Variants in KTN1 observed in about 807,000 individuals in gnomAD.
The protein encoded by KTN1 is kinectin 1.
A neutral mutation model predicts 222.5 loss-of-function variants in KTN1; 130 were observed. That is an observed-to-expected ratio of 0.58 (90% CI 0.51 to 0.68). The LOEUF (loss-of-function observed/expected upper bound fraction) is 0.68. Ranked by LOEUF, KTN1 falls within the 30% of genes least tolerant of loss-of-function variation. KTN1 has a pLI of 0.00. For missense variants in KTN1, 1,508 were observed against 1,500.4 expected, an observed-to-expected ratio of 1.01 and a Z score of -0.08; for synonymous variants, 512 against 496.3, an observed-to-expected ratio of 1.03 and a Z score of -0.42.
At chr14:55,596,472 T>G (rs778512039) in intron 1 of KTN1, among the ~76,000 whole-genome samples, 1 of 152,178 alleles carries the variant, frequency 6.6e-6, no homozygotes, top group Non-Finnish European at 1.5e-5. Context: ...GTTGTAAACA[T>G]GGATTCTAAG....
At chr14:55,655,291 C>G (rs1389387339) in intron 28 of KTN1, among the ~76,000 whole-genome samples, 1 of 152,136 alleles carries the variant, frequency 6.6e-6, no homozygotes, top group Non-Finnish European at 1.5e-5. Context: ...GGATTGCCTT[C>G]TTTTACTTAG....
At position 55,649,581 on chromosome 14, in the gene KTN1, G is replaced by T. The variant is rs116316725; in HGVS notation, c.2368-195G>T. ...TTTTTCTTTTGGCATATTTATAAGT[G>T]ACCTTAAAGCTACCTATGTTCAAAA... On this transcript the variant is annotated intron_variant, in intron 21 of 43. Coordinates refer to ENST00000395314, the MANE Select transcript of KTN1 (RefSeq NM_001079521.2). Among the ~76,000 whole-genome samples, 370 of 152,194 alleles carry T rather than the reference G, an allele frequency of 2.4e-3. 3 individuals carry two copies. The highest frequency in any genetic ancestry group is 8.5e-3 in the African/African-American group (353 of 41,524).
chr14:55,642,197 GATTAT>G (rs766874342), intron 18 of KTN1, among the ~76,000 whole-genome samples: 2 of 152,134 alleles, frequency 1.3e-5, no homozygotes, highest in Non-Finnish European at 2.9e-5. Flanking sequence ...TTCACATGGA[GATTAT>G]ATTATATTTA....
chr14:55,648,135 TG>T lies in KTN1; in HGVS notation c.2298+21del. The T allele has an allele frequency of 7.8e-7, 1 of 1,280,294 alleles. No individual in the cohort carries two copies. Among genetic ancestry groups the T allele is most frequent in the Non-Finnish European group, 1.1e-6 (1 of 910,856 alleles). 79.3% of individuals were successfully genotyped at this position (1,280,294 alleles called of 1,614,324 possible). On this transcript the variant is annotated intron_variant, in intron 20 of 43. Coordinates refer to ENST00000395314, the MANE Select transcript of KTN1 (RefSeq NM_001079521.2). ...CTGAATGTAAAGCATTTTGTAGTTT[TG>T]TTTTCCTTGTGATTATTCAGTGACA...
intron 32 of KTN1, among the ~76,000 whole-genome samples, chr14:55,662,174 C>T (rs2044222829): frequency 6.6e-6 from 1 of 150,842 alleles, no homozygotes; most frequent in Non-Finnish European, 1.5e-5. Flanking sequence ...TCAGGCGATT[C>T]TCCTGCCTCA....
intron 1 of KTN1, among the ~76,000 whole-genome samples, chr14:55,600,229 T>TA (rs1327994059): frequency 1.3e-5 from 2 of 151,970 alleles, no homozygotes; most frequent in East Asian, 3.9e-4. Flanking sequence ...AGAGTTATTT[T>TA]ATTAATATTT....
At chr14:55,636,880 G>C (rs546256357) in intron 10 of KTN1, among the ~76,000 whole-genome samples, 2 of 151,218 alleles carry the variant, frequency 1.3e-5, no homozygotes, top group Non-Finnish European at 3.0e-5. Flanking sequence ...TTATTTTGAA[G>C]AGAAAAACAG....
At chr14:55,659,202 A>G (rs561301413) in intron 30 of KTN1, among the ~76,000 whole-genome samples, 19 of 152,158 alleles carry the variant, frequency 1.2e-4, no homozygotes, top group Admixed American at 4.6e-4. Context: ...TCACCAAGGA[A>G]TAAATACCAT....
chr14:55,664,841 T>C (rs995360133), intron 33 of KTN1, among the ~76,000 whole-genome samples: 1 of 151,972 alleles, frequency 6.6e-6, no homozygotes, highest in African/African-American at 2.4e-5. Context: ...GAAACAGGGG[T>C]ATTGAATTTT....
At chr14:55,621,322 G>A (rs888075631) in intron 5 of KTN1, among the ~76,000 whole-genome samples, 1 of 152,040 alleles carries the variant, frequency 6.6e-6, no homozygotes, top group Non-Finnish European at 1.5e-5. Context: ...CTGTTACCCA[G>A]TTGTAAAGTC....
In KTN1 at chr14:55,615,376, C is replaced by T. The variant is rs567312729; in HGVS notation, c.524-1141C>T. The stretch of plus-strand genomic sequence containing the variant: ...TTCTGCCTGCCTCCCCCTTTTCCCC[C>T]GTCCCTCCCCCTTCCCCCATATCTT... On this transcript the variant is annotated intron_variant, in intron 2 of 43. Coordinates refer to ENST00000395314, the MANE Select transcript of KTN1 (RefSeq NM_001079521.2). 6.5e-4 allele frequency among the ~76,000 whole-genome samples: 98 copies of T among 151,754 alleles called. 2 individuals carry two copies. The highest frequency in any genetic ancestry group is 1.9e-3 in the African/African-American group (80 of 41,372).
chr14:55,614,646 T>C (rs2038082843), intron 2 of KTN1, among the ~76,000 whole-genome samples: 1 of 152,226 alleles, frequency 6.6e-6, no homozygotes, highest in Admixed American at 6.5e-5. Flanking sequence ...ATCTCAGTAC[T>C]CATAAAGTGT....
chr14:55,658,715 A>G (rs1595167279), intron 30 of KTN1, 101 bp downstream of exon 30: 2 of 702,514 alleles, frequency 2.8e-6, no homozygotes, highest in East Asian at 5.3e-5. Context: ...TTCATTGAGA[A>G]TGAAGTATGT....
intron 5 of KTN1, among the ~76,000 whole-genome samples, chr14:55,623,369 ATTATTT>A (rs1165686859): frequency 1.3e-5 from 2 of 152,102 alleles, no homozygotes; most frequent in East Asian, 3.9e-4. Context: ...AACTTTCTTG[ATTATTT>A]TTATTTTTGT....
intron 12 of KTN1, 71 bp downstream of exon 12, chr14:55,637,918 G>C: frequency 4.4e-6 from 5 of 1,144,348 alleles, no homozygotes; most frequent in Non-Finnish European, 6.5e-6. Context: ...AATGTCTGTT[G>C]AGTGCCAATT....
chr14:55,667,902 G>T (rs1212482749), intron 34 of KTN1: 2 of 142,314 alleles, frequency 1.4e-5, no homozygotes, highest in African/African-American at 5.0e-5. Flanking sequence ...TAGAGTGTAG[G>T]GTCTTTTTTT....
intron 28 of KTN1, among the ~76,000 whole-genome samples, chr14:55,654,348 A>AAATG (rs10699254): frequency 0.33 from 50,809 of 151,686 alleles, 8,504 homozygotes; most frequent in South Asian, 0.39. Context: ...ATCTTTCTAA[A>AAATG]AGGGAGATTA....
chr14:55,676,357 A>G (rs2045891214), intron 41 of KTN1, among the ~76,000 whole-genome samples: 3 of 152,200 alleles, frequency 2.0e-5, no homozygotes, highest in South Asian at 4.1e-4. Context: ...CCTAATCTCA[A>G]TGCAAATGAA....
intron 33 of KTN1, among the ~76,000 whole-genome samples, chr14:55,666,521 T>C (rs1378146513): frequency 6.6e-6 from 1 of 151,876 alleles, no homozygotes; most frequent in Non-Finnish European, 1.5e-5. Flanking sequence ...GTTTTGAGTT[T>C]ATAATTGATA....
Sources: allele counts gnomAD v4.1 joint callset (sites outside exome capture counted in the v4.1 genomes callset), GRCh38; gene constraint gnomAD v4.1.1; transcripts MANE v1.5; gene names NCBI Gene and HGNC (gene_info 2026-07-23, HGNC 2026-07-21).